The following CPA6 variants were observed in gnomAD, a reference collection of about 807,000 sequenced individuals.
CPA6 encodes carboxypeptidase B.
Under a neutral mutation model 63.3 loss-of-function variants are expected in CPA6, and 58 were observed. The ratio of observed to expected loss-of-function variants is 0.92; its 90% confidence interval spans 0.74 to 1.14. CPA6 has a LOEUF of 1.14. Among genes scored for constraint, CPA6 ranks in the 50% most tolerant of loss-of-function variants. The probability of loss-of-function intolerance (pLI) is 0.00; values close to 1 mark genes in which losing one functional copy is unlikely to be tolerated. For synonymous variants in CPA6, 185 were observed against 179.0 expected, an observed-to-expected ratio of 1.03 and a Z score of -0.27; for missense variants, 565 against 526.6, an observed-to-expected ratio of 1.07 and a Z score of -0.71.
At chr8:67,596,452 C>T (rs1814337773) in intron 2 of CPA6, among the ~76,000 whole-genome samples, 1 of 151,648 alleles carries the variant, frequency 6.6e-6, no homozygotes, top group East Asian at 1.9e-4. Flanking sequence ...CATTTCATTC[C>T]TATTGTCCCC....
chr8:67,716,807 C>T (rs549963546), intron 1 of CPA6, among the ~76,000 whole-genome samples: 1 of 152,238 alleles, frequency 6.6e-6, no homozygotes, highest in East Asian at 1.9e-4. Flanking sequence ...ATTTATTTTC[C>T]TTTTGCAGCC....
intron 2 of CPA6, among the ~76,000 whole-genome samples, chr8:67,548,093 C>T (rs1369902558): frequency 2.0e-5 from 3 of 149,882 alleles, no homozygotes; most frequent in Non-Finnish European, 3.0e-5. Flanking sequence ...TTCTTTCTCT[C>T]TTTCTCTTTC....
intron 2 of CPA6, among the ~76,000 whole-genome samples, chr8:67,614,577 T>C (rs1587636000): frequency 6.6e-6 from 1 of 152,180 alleles, no homozygotes; most frequent in Non-Finnish European, 1.5e-5. Flanking sequence ...CGACCTCCAG[T>C]TACCTTTAAG....
intron 2 of CPA6, among the ~76,000 whole-genome samples, chr8:67,591,702 T>C (rs1220413080): frequency 6.6e-6 from 1 of 152,208 alleles, no homozygotes; most frequent in Non-Finnish European, 1.5e-5. Flanking sequence ...GTTATTGGTG[T>C]ATAAGAAGGC....
intron 6 of CPA6, among the ~76,000 whole-genome samples, chr8:67,506,197 G>A (rs1024343852): frequency 6.6e-6 from 1 of 152,122 alleles, no homozygotes; most frequent in African/African-American, 2.4e-5. Flanking sequence ...GAGGGCTTGT[G>A]ACTCAAATGA....
intron 8 of CPA6, among the ~76,000 whole-genome samples, chr8:67,449,907 C>T (rs1810517316): frequency 2.0e-5 from 3 of 151,434 alleles, no homozygotes; most frequent in Non-Finnish European, 4.4e-5. Context: ...CCTCCACCTC[C>T]CGGGTTCAAG....
chr8:67,476,912 G>C (rs908561559), intron 8 of CPA6, among the ~76,000 whole-genome samples: 3 of 152,168 alleles, frequency 2.0e-5, no homozygotes, highest in Admixed American at 6.5e-5. Context: ...AGAAGTGCCA[G>C]CCATGTATCA....
chr8:67,611,504 T>C (rs1305750248), intron 2 of CPA6, among the ~76,000 whole-genome samples: 4 of 152,202 alleles, frequency 2.6e-5, no homozygotes, highest in African/African-American at 9.7e-5. Context: ...TCACCACATC[T>C]CTGGACCAGC....
At chr8:67,557,515 T>A (rs1304425631) in intron 2 of CPA6, among the ~76,000 whole-genome samples, 2 of 152,200 alleles carry the variant, frequency 1.3e-5, no homozygotes, top group African/African-American at 4.8e-5. Context: ...ATCTGCAGTT[T>A]TTCTTACCCA....
intron 2 of CPA6, among the ~76,000 whole-genome samples, chr8:67,597,129 C>G (rs1316612882): frequency 6.6e-6 from 1 of 151,340 alleles, no homozygotes; most frequent in Admixed American, 6.6e-5. Flanking sequence ...TCTTCAGATA[C>G]TTCTTTTTCT....
At chr8:67,714,388 T>G (rs1050061730) in intron 1 of CPA6, among the ~76,000 whole-genome samples, 1 of 152,222 alleles carries the variant, frequency 6.6e-6, no homozygotes, top group Non-Finnish European at 1.5e-5. Context: ...TCTTAGGGTA[T>G]CTCCTAGTAT....
At chr8:67,512,808 T>A (rs1812069516) in intron 3 of CPA6, among the ~76,000 whole-genome samples, 1 of 152,266 alleles carries the variant, frequency 6.6e-6, no homozygotes, top group African/African-American at 2.4e-5. Context: ...ATGGCATCTT[T>A]AAATAATTTC....
intron 1 of CPA6, among the ~76,000 whole-genome samples, chr8:67,656,031 T>C (rs1225929188): frequency 6.6e-6 from 1 of 152,144 alleles, no homozygotes; most frequent in Non-Finnish European, 1.5e-5. Flanking sequence ...GTGTGTGTTG[T>C]AATCTTCTTC....
At chr8:67,703,989 G>A (rs147156480) in intron 1 of CPA6, among the ~76,000 whole-genome samples, 23 of 152,208 alleles carry the variant, frequency 1.5e-4, no homozygotes, top group Non-Finnish European at 2.9e-4. Flanking sequence ...TGGGAGGAAG[G>A]GAAATTCTTT....
At chr8:67,733,358 G>A (rs1817752082) in intron 1 of CPA6, among the ~76,000 whole-genome samples, 1 of 152,062 alleles carries the variant, frequency 6.6e-6, no homozygotes, top group African/African-American at 2.4e-5. Context: ...AGGTGGTGCT[G>A]ATGTTGCTGG....
intron 8 of CPA6, among the ~76,000 whole-genome samples, chr8:67,464,918 A>G (rs1439535774): frequency 1.3e-5 from 2 of 152,110 alleles, no homozygotes; most frequent in African/African-American, 4.8e-5. Flanking sequence ...GTAGCCTCAT[A>G]GTATAGTTTG....
intron 3 of CPA6, among the ~76,000 whole-genome samples, chr8:67,516,349 C>A (rs1353534131): frequency 3.3e-5 from 5 of 152,138 alleles, no homozygotes; most frequent in African/African-American, 1.2e-4. Flanking sequence ...AATGAGGTAT[C>A]CTTCCTACTG....
chr8:67,625,449 T>C (rs892439075), intron 1 of CPA6, among the ~76,000 whole-genome samples: 1 of 152,212 alleles, frequency 6.6e-6, no homozygotes, highest in East Asian at 1.9e-4. Context: ...GGGGGCCTTG[T>C]CTCCCAGGTG....
chr8:67,434,711 T>G (rs1176700938), intron 8 of CPA6, among the ~76,000 whole-genome samples: 2 of 152,102 alleles, frequency 1.3e-5, no homozygotes, highest in African/African-American at 4.8e-5. Flanking sequence ...CAGCTGCAGC[T>G]GCAGCAGTGG....
Sources: gnomAD v4.1 joint callset for allele counts (sites outside exome capture counted in the v4.1 genomes callset) on GRCh38, gnomAD v4.1.1 for gene constraint, MANE v1.5 for transcripts, NCBI Gene and HGNC (gene_info 2026-07-23, HGNC 2026-07-21) for gene names.